The following ANK3 variants were observed in gnomAD, a reference collection of about 807,000 sequenced individuals.
ANK3 encodes ankyrin 3, also known as ankyrin-3.
Under a neutral mutation model 370.9 loss-of-function variants are expected in ANK3, and 57 were observed. The observed-to-expected ratio is 0.15, with a 90% CI of 0.12 to 0.19. The LOEUF is 0.19. Among genes scored for constraint, ANK3 ranks in the 10% least tolerant of loss-of-function variants. ANK3 has a pLI of 1.00. For missense variants in ANK3, 4,439 were observed against 5,302.1 expected (o/e 0.84, Z 5.06); for synonymous variants, 1,929 against 1,946.3 (o/e 0.99, Z 0.23).
intron 2 of ANK3, among the ~76,000 whole-genome samples, chr10:60,597,228 T>A (rs1046032730): frequency 1.3e-5 from 2 of 152,164 alleles, no homozygotes; most frequent in Non-Finnish European, 2.9e-5. Context: ...GGAATCCCTA[T>A]GAATTCTCCC....
In ANK3 at chr10:60,029,569, C is replaced by T. The variant is rs1272672644; in HGVS notation, c.*277G>A. On this transcript the variant is annotated 3_prime_UTR_variant, in exon 44 of 44. Coordinates refer to ENST00000280772, the MANE Select transcript of ANK3 (RefSeq NM_020987.5). ...ATTACTTGAGATAAACTGTTAACAGCATGGCTTCTTGTATATACACTGCAT... is the reference window on the plus strand; with the variant it reads ...ATTACTTGAGATAAACTGTTAACAGTATGGCTTCTTGTATATACACTGCAT... 6.6e-6 allele frequency: 1 copy of T among 152,598 alleles called. No individual in the cohort carries two copies. The highest frequency in any genetic ancestry group is 2.4e-5 in the African/African-American group (1 of 41,452). The allele number at this position is 152,598 out of a possible 1,614,324, so 9.5% of individuals were successfully genotyped here.
intron 2 of ANK3, among the ~76,000 whole-genome samples, chr10:60,492,602 G>C (rs2075538569): frequency 6.6e-6 from 1 of 151,060 alleles, no homozygotes; most frequent in South Asian, 2.1e-4. Flanking sequence ...AGCTACTTGG[G>C]AGGCTGAGGC....
Position 60,389,451 on chromosome 10 carries a change from T to G in ANK3, c.88A>C (p.Lys30Gln). The G allele has an allele frequency of 6.2e-7, 1 of 1,614,080 alleles. No homozygotes were observed. Among genetic ancestry groups the G allele is most frequent in the Non-Finnish European group, 8.5e-7 (1 of 1,179,976 alleles). Residue 30 changes from lysine to glutamine, a missense_variant, in exon 1 of 44, where the codon AAA becomes CAA. Coordinates refer to ENST00000280772, the MANE Select transcript of ANK3 (RefSeq NM_020987.5). ...EEPEKKRKHRKRSRDRKKKSD... is the reference protein window; with the variant it reads ...EEPEKKRKHRQRSRDRKKKSD... ...TTTTTCTTCCGATCCCGGGACCGTTTGCGGTGTTTCCTTTTTTTCTCAGGC... is the reference window on the plus strand; with the variant it reads ...TTTTTCTTCCGATCCCGGGACCGTTGGCGGTGTTTCCTTTTTTTCTCAGGC...
chr10:60,584,706 C>A (rs1567164599), intron 2 of ANK3, among the ~76,000 whole-genome samples: 2 of 152,204 alleles, frequency 1.3e-5, no homozygotes, highest in Admixed American at 1.3e-4. Context: ...CTAATCTACA[C>A]CTTTCCTGAG....
At chr10:60,115,610 G>T (rs972292450) in intron 25 of ANK3, among the ~76,000 whole-genome samples, 2 of 152,148 alleles carry the variant, frequency 1.3e-5, no homozygotes, top group African/African-American at 4.8e-5. Context: ...AATTAAATGG[G>T]ATAGAATGCT....
chr10:60,538,708 G>T (rs2076779062), intron 2 of ANK3, among the ~76,000 whole-genome samples: 1 of 151,760 alleles, frequency 6.6e-6, no homozygotes, highest in African/African-American at 2.4e-5. Context: ...TTTTTCTTCT[G>T]CATTTAAAAC....
intron 2 of ANK3, among the ~76,000 whole-genome samples, chr10:60,498,022 A>T (rs1461164574): frequency 1.3e-5 from 2 of 152,160 alleles, no homozygotes; most frequent in African/African-American, 4.8e-5. Context: ...CGGACTCCTG[A>T]CAATCCACCC....
Position 60,557,075 on chromosome 10 carries a change from A to T in ANK3, c.96+58111T>A, listed in dbSNP as rs866812883. Among the ~76,000 whole-genome samples, 10 of 152,338 alleles carry T rather than the reference A, an allele frequency of 6.6e-5. No individual in the cohort carries two copies. The South Asian group carries it at 2.1e-3, about 32-fold the overall frequency. ...CGTCTGTGGAAAAATTGTCTTCCAC[A>T]AATCTGGTCACTGGTGCCAAAAAAT... is the stretch of plus-strand genomic sequence containing the variant. On this transcript the variant is annotated intron_variant, in intron 2 of 43. Transcript: ENST00000373827.
intron 1 of ANK3, among the ~76,000 whole-genome samples, chr10:60,368,327 C>T (rs74563482): frequency 0.1 from 15,861 of 152,040 alleles, 889 homozygotes; most frequent in South Asian, 0.13. Flanking sequence ...TTTCATGCAA[C>T]GGCACATAGT....
chr10:60,505,001 G>A (rs1321622903), intron 2 of ANK3, among the ~76,000 whole-genome samples: 4 of 151,964 alleles, frequency 2.6e-5, no homozygotes, highest in Non-Finnish European at 4.4e-5. Flanking sequence ...TATTGTTGTA[G>A]TTATCTAAAA....
chr10:60,394,042 T>A (rs994127588), upstream of ANK3, among the ~76,000 whole-genome samples: 1 of 151,294 alleles, frequency 6.6e-6, no homozygotes, highest in African/African-American at 2.4e-5. Context: ...TGAGAACGAC[T>A]TCATGCTGCA....
chr10:60,336,595 C>A (rs75129759), intron 1 of ANK3, among the ~76,000 whole-genome samples: 1 of 148,594 alleles, frequency 6.7e-6, no homozygotes, highest in Non-Finnish European at 1.5e-5. Flanking sequence ...ATCTATCTAT[C>A]TATTTACATA....
chr10:60,728,884 C>T (rs372407620), intron 1 of ANK3, among the ~76,000 whole-genome samples: 2 of 152,100 alleles, frequency 1.3e-5, no homozygotes, highest in Admixed American at 1.3e-4. Context: ...ACAATACTTA[C>T]CCTCTAGTTT....
intron 1 of ANK3, among the ~76,000 whole-genome samples, chr10:60,670,679 C>A (rs957206343): frequency 2.6e-5 from 4 of 152,258 alleles, no homozygotes; most frequent in Admixed American, 6.5e-5. Context: ...TGGTTGCCTA[C>A]CCCCACACCC....
At chr10:60,559,504 ATACTGTTTCTAATCCT>A (rs1229643518) in intron 2 of ANK3, among the ~76,000 whole-genome samples, 1 of 152,182 alleles carries the variant, frequency 6.6e-6, no homozygotes, top group Non-Finnish European at 1.5e-5. Context: ...TACTTGACAT[ATACTGTTTCTAATCCT>A]TACATTAAGG....
rs375848336 is a variant in ANK3 at position 60,695,228 on chromosome 10, C to T, written c.57+38035G>A. Among the ~76,000 whole-genome samples the T allele has an allele frequency of 3.2e-4, 49 of 152,258 alleles. 2 individuals carry two copies. The East Asian group carries it at 5.2e-3, about 16-fold the overall frequency. The stretch of plus-strand genomic sequence containing the variant: ...ATCCTAAATATATATGCACCCAATA[C>T]AGGAGCACCCAGATTCATAAAGCAA... On this transcript the variant is annotated intron_variant, in intron 1 of 43. Transcript: ENST00000373827.
In ANK3 at chr10:60,219,344, C is replaced by T. The variant is rs142567356; in HGVS notation, c.898-5834G>A. On this transcript the variant is annotated intron_variant, in intron 8 of 43. Coordinates refer to ENST00000280772, the MANE Select transcript of ANK3 (RefSeq NM_020987.5). ...TCACCCAAAATTCTTCTCAATGATC[C>T]GTCACAGGACAACTTTATTAGGTCT... Among the ~76,000 whole-genome samples the T allele has an allele frequency of 7.4e-4, 112 of 152,200 alleles. 1 individual carries two copies. The highest frequency in any genetic ancestry group is 2.5e-3 in the African/African-American group (103 of 41,532).
At chr10:60,664,683 C>T (rs1003598567) in intron 1 of ANK3, among the ~76,000 whole-genome samples, 2 of 152,108 alleles carry the variant, frequency 1.3e-5, no homozygotes, top group Non-Finnish European at 2.9e-5. Context: ...GCATAAAATG[C>T]AAAATTCTAA....
intron 1 of ANK3, among the ~76,000 whole-genome samples, chr10:60,695,086 G>A (rs2079424823): frequency 6.7e-6 from 1 of 149,858 alleles, no homozygotes; most frequent in Non-Finnish European, 1.5e-5. Flanking sequence ...AAAAAAGGCA[G>A]GGGTTGCAAT....
Sources: allele counts gnomAD v4.1 joint callset (sites outside exome capture counted in the v4.1 genomes callset), GRCh38; gene constraint gnomAD v4.1.1; transcripts MANE v1.5; gene names NCBI Gene and HGNC (gene_info 2026-07-23, HGNC 2026-07-21).